TMEM145: variants seen among roughly 807,000 people sequenced by gnomAD.
TMEM145 encodes the protein transmembrane protein 145.
TMEM145 carries 46 observed loss-of-function variants against 68.5 expected under a neutral mutation model. The observed-to-expected ratio is 0.67, with a 90% confidence interval of 0.53 to 0.86. The LOEUF (loss-of-function observed/expected upper bound fraction) is 0.86. TMEM145 is among the 40% of genes least tolerant of loss of function. TMEM145 has a pLI of 0.00. For synonymous variants in TMEM145, 255 were observed against 280.2 expected (o/e 0.91, Z 0.90); for missense variants, 570 against 645.8 (o/e 0.88, Z 1.27).
intron 12 of TMEM145, 32 bp downstream of exon 12, chr19:42,317,913 C>A (rs759203222): frequency 1.2e-6 from 2 of 1,612,038 alleles, no homozygotes; most frequent in South Asian, 2.2e-5. Flanking sequence ...CCTGTCCCTG[C>A]CTCCCTCTCG....
intron 14 of TMEM145, chr19:42,324,414 AC>A: frequency 1.0e-6 from 1 of 983,692 alleles, no homozygotes; most frequent in Non-Finnish European, 1.2e-6. Flanking sequence ...TCGGGCTGGG[AC>A]GGCCCGACGC....
chr19:42,315,055 A>G lies in TMEM145; in HGVS notation c.483A>G (p.Arg161=). 6.2e-7 allele frequency: 1 copy of G among 1,613,994 alleles called. No homozygotes were observed. The highest frequency in any genetic ancestry group is 8.5e-7 in the Non-Finnish European group (1 of 1,179,994). The part of the protein sequence containing the change: ...VLTNGKSFWT[R]HFSADEFGIL... ...CCAATGGCAAGTCCTTCTGGACACG[A>G]CACTTCTCCGCTGATGAGTTTGGTG... Residue 161 remains arginine (R), a synonymous_variant, in exon 6 of 15, where the codon CGA becomes CGG. Coordinates refer to ENST00000301204, the MANE Select transcript of TMEM145 (RefSeq NM_173633.3).
intron 1 of TMEM145, among the ~76,000 whole-genome samples, chr19:42,314,061 A>G (rs1465720366): frequency 1.3e-5 from 2 of 151,662 alleles, no homozygotes; most frequent in Non-Finnish European, 2.9e-5. Context: ...AGGGGAGGAA[A>G]CTTGGGGGGG....
intron 13 of TMEM145, 72 bp downstream of exon 13, chr19:42,320,509 G>C: frequency 6.3e-7 from 1 of 1,594,524 alleles, no homozygotes; most frequent in Non-Finnish European, 8.6e-7. Context: ...TCCTACACCT[G>C]ATCTGCTGGA....
chr19:42,323,539 G>A (rs774719675), intron 13 of TMEM145, 44 bp from the exon 14 acceptor site: 4 of 1,596,688 alleles, frequency 2.5e-6, no homozygotes, highest in Non-Finnish European at 3.4e-6. Flanking sequence ...GACAGCCTCC[G>A]GCCTGACAGT....
At position 42,324,837 on chromosome 19, in the gene TMEM145, AC is replaced by A; in HGVS notation, c.*23del. 1 of 1,526,128 alleles carries A rather than the reference AC, an allele frequency of 6.6e-7. No homozygotes were observed. The highest frequency in any genetic ancestry group is 2.6e-5 in the East Asian group (1 of 38,516). 94.5% of individuals were successfully genotyped at this position (1,526,128 alleles called of 1,614,324 possible). On this transcript the variant is annotated 3_prime_UTR_variant, in exon 15 of 15. Transcript: ENST00000301204. ...CTCTGACCCCGCTGGACTCCGGAACACCCGTGGTGACCGCCGGGACCCTGCC... is the reference window on the plus strand; with the variant it reads ...CTCTGACCCCGCTGGACTCCGGAACACCGTGGTGACCGCCGGGACCCTGCC...
chr19:42,314,366 C>T lies in TMEM145; in HGVS notation c.195+20C>T, dbSNP rs2038833245. The T allele has an allele frequency of 2.5e-6, 4 of 1,614,108 alleles. No homozygotes were observed. Among genetic ancestry groups the T allele is most frequent in the Non-Finnish European group, 3.4e-6 (4 of 1,179,992 alleles). On this transcript the variant is annotated intron_variant, in intron 2 of 14. Coordinates refer to ENST00000301204, the MANE Select transcript of TMEM145 (RefSeq NM_173633.3). ...CCTGAGGTGAGTCTCCCCCAACACT[C>T]GCCATGCTGAGGCTGGGTACTTCCC...
rs754686673 is a variant in TMEM145, at chr19:42,315,300, G to A, written c.577+41G>A. 3.1e-6 allele frequency: 5 copies of A among 1,613,870 alleles called. No individual in the cohort carries two copies. In the South Asian group the frequency reaches 5.5e-5, roughly 18 times the overall value. ...GGGGTGTGGGGGAAGAGATAGGAGGGAGCAGGGTTGGGGGAGGTGAGCTGC... is the reference window on the plus strand; with the variant it reads ...GGGGTGTGGGGGAAGAGATAGGAGGAAGCAGGGTTGGGGGAGGTGAGCTGC... On this transcript the variant is annotated intron_variant, in intron 7 of 14. Transcript: ENST00000301204.
At position 42,313,368 on chromosome 19, in the gene TMEM145, G is replaced by T; in HGVS notation, c.-9G>T. On this transcript the variant is annotated 5_prime_UTR_variant, in exon 1 of 15. Coordinates refer to ENST00000301204, the MANE Select transcript of TMEM145 (RefSeq NM_173633.3). The surrounding 1 kb of genome is among the most constrained non-coding windows in gnomAD (Gnocchi z 5.1). ...GAGCCGGAGCGGAGCCGGGGCCGGAGCGGGCGGAATGGAGCCCCTGCGCGC... is the reference window on the plus strand; with the variant it reads ...GAGCCGGAGCGGAGCCGGGGCCGGATCGGGCGGAATGGAGCCCCTGCGCGC... 9.0e-7 allele frequency: 1 copy of T among 1,115,630 alleles called. No homozygotes were observed. Among genetic ancestry groups the T allele is most frequent in the South Asian group, 2.7e-5 (1 of 36,990 alleles). 69.1% of individuals were successfully genotyped at this position (1,115,630 alleles called of 1,614,324 possible).
At chr19:42,324,507 G>C (rs1215621249) in intron 14 of TMEM145, 2 of 985,264 alleles carry the variant, frequency 2.0e-6, no homozygotes, top group Non-Finnish European at 2.4e-6. Flanking sequence ...ACGGCCGGGG[G>C]CACTGCACCC....
At chr19:42,324,630 CGACCCTT>C in intron 14 of TMEM145, 100 bp from the exon 15 acceptor site, 11 of 1,228,816 alleles carry the variant, frequency 9.0e-6, no homozygotes, top group East Asian at 4.6e-5. Context: ...CCGGCCTTCC[CGACCCTT>C]CCCACCCCGC....
At chr19:42,323,558 C>A in intron 13 of TMEM145, 25 bp from the exon 14 acceptor site, 1 of 1,612,050 alleles carries the variant, frequency 6.2e-7, no homozygotes, top group Non-Finnish European at 8.5e-7. Flanking sequence ...GTGCCTCTCA[C>A]ACCTGCTCCT....
Position 42,313,823 on chromosome 19 carries a change from C to G in TMEM145, c.120+327C>G, listed in dbSNP as rs932936955. The stretch of plus-strand genomic sequence containing the variant: ...GCACTTTTCACTCAGCAGAGAGCCC[C>G]GAGCTCGCCGCCACACTCCCGCTCA... On this transcript the variant is annotated intron_variant, in intron 1 of 14. Transcript: ENST00000301204. This position sits in a 1 kb window ranked among gnomAD's most constrained non-coding sequence, Gnocchi z 5.1. 3.9e-5 allele frequency among the ~76,000 whole-genome samples: 6 copies of G among 151,982 alleles called. No homozygotes were observed. The South Asian group carries it at 1.0e-3, about 26-fold the overall frequency.
In TMEM145 at chr19:42,316,472, T is replaced by TC. The variant is rs2038858511; in HGVS notation, c.647-5dup. On this transcript the variant is annotated splice_polypyrimidine_tract_variant and intron_variant, in intron 8 of 14. Transcript: ENST00000301204. ...TCTATCCTTTCTTATCTGCCCATCC[T>TC]CCCCTCAGTCCTGAGCCTCCTATTT... 10 of 1,613,586 alleles carry TC rather than the reference T, an allele frequency of 6.2e-6. No homozygotes were observed. The highest frequency in any genetic ancestry group is 1.3e-5 in the African/African-American group (1 of 74,904).
chr19:42,314,577 T>G (rs1046152683), intron 3 of TMEM145, 36 bp from the exon 4 acceptor site: 2 of 1,614,140 alleles, frequency 1.2e-6, no homozygotes, highest in Admixed American at 3.3e-5. Context: ...AGGTCGTTGC[T>G]GGCCGGGGGA....
chr19:42,318,989 CAGG>C (rs1483786395), intron 12 of TMEM145, among the ~76,000 whole-genome samples: 1 of 152,080 alleles, frequency 6.6e-6, no homozygotes, highest in African/African-American at 2.4e-5. Context: ...GAAGCTGAAG[CAGG>C]AGAATAGCTT....
intron 8 of TMEM145, among the ~76,000 whole-genome samples, chr19:42,316,061 A>G (rs917994759): frequency 2.0e-5 from 3 of 148,474 alleles, no homozygotes; most frequent in Non-Finnish European, 4.5e-5. Flanking sequence ...CAAAACAATA[A>G]AGGCCTGAAC....
chr19:42,314,131 A>G lies in TMEM145; in HGVS notation c.121-141A>G, dbSNP rs894278857. ...TGGACCCACAGTGACGGGATCAGGG[A>G]AGGAGTTTGGAGGTGACCTGGTCTC... is the stretch of plus-strand genomic sequence containing the variant. On this transcript the variant is annotated intron_variant, in intron 1 of 14. Transcript: ENST00000301204. 3.7e-6 allele frequency: 3 copies of G among 814,136 alleles called. No homozygotes were observed. In the African/African-American group the frequency reaches 5.1e-5, roughly 14 times the overall value. 50.4% of individuals were successfully genotyped at this position (814,136 alleles called of 1,614,324 possible).
At chr19:42,324,630 C>T (rs2038952247) in intron 14 of TMEM145, 107 bp from the exon 15 acceptor site, 2 of 1,228,828 alleles carry the variant, frequency 1.6e-6, no homozygotes, top group Non-Finnish European at 2.1e-6. Context: ...CCGGCCTTCC[C>T]GACCCTTCCC....
Sources: gnomAD v4.1 joint callset for allele counts (sites outside exome capture counted in the v4.1 genomes callset) on GRCh38, gnomAD v4.1.1 for gene constraint, Gnocchi (gnomAD v3.1) non-coding constraint, MANE v1.5 for transcripts, NCBI Gene and HGNC (gene_info 2026-07-23, HGNC 2026-07-21) for gene names.